CLHC1: variants seen among roughly 807,000 people sequenced by gnomAD.
CLHC1 encodes clathrin heavy chain linker domain containing 1.
CLHC1 carries 72 observed loss-of-function variants against 69.5 expected under a neutral mutation model. The observed-to-expected ratio is 1.04, with a 90% CI of 0.86 to 1.26. The LOEUF is 1.26. CLHC1 is among the 50% of genes most tolerant of loss of function. The probability of loss-of-function intolerance (pLI) is 0.00; values close to 1 mark genes in which losing one functional copy is unlikely to be tolerated. For missense variants in CLHC1, 790 were observed against 679.3 expected, an observed-to-expected ratio of 1.16 and a Z score of -1.81; for synonymous variants, 223 against 224.3, an observed-to-expected ratio of 0.99 and a Z score of 0.05.
At chr2:55,228,852 C>T (rs933263675) in intron 1 of CLHC1, among the ~76,000 whole-genome samples, 4 of 151,894 alleles carry the variant, frequency 2.6e-5, no homozygotes, top group Non-Finnish European at 5.9e-5. Flanking sequence ...ACAGACAACA[C>T]ACAAGAAAAA....
intron 9 of CLHC1, among the ~76,000 whole-genome samples, chr2:55,187,194 G>A (rs1050560140): frequency 1.1e-4 from 16 of 151,878 alleles, no homozygotes; most frequent in African/African-American, 3.6e-4. Flanking sequence ...CAGGAGAATC[G>A]CTTGAACCCG....
In CLHC1 at chr2:55,181,707, G is replaced by A; in HGVS notation, c.1044C>T (p.Leu348=). ...GKIRGKPLPL[L]LFFEALFITS... is the part of the protein sequence containing the mutation. ...TGATAAAGAGGGCCTCAAAAAATAA[G>A]AGTAATGGAAGAGGCTTTCCTCTAA... Residue 348 remains leucine, a synonymous_variant, in exon 10 of 13, where the codon CTC becomes CTT. Transcript: ENST00000401408. 1 of 1,613,742 alleles carries A rather than the reference G, an allele frequency of 6.2e-7. No homozygotes were observed. Among genetic ancestry groups the A allele is most frequent in the Non-Finnish European group, 8.5e-7 (1 of 1,179,878 alleles).
At chr2:55,200,240 A>AAAAAC (rs1294769917) in intron 9 of CLHC1, among the ~76,000 whole-genome samples, 1 of 140,358 alleles carries the variant, frequency 7.1e-6, no homozygotes, top group Non-Finnish European at 1.5e-5. Flanking sequence ...AAAAAAAAAA[A>AAAAAC]AAAAACAGTG....
chr2:55,226,742 C>T (rs912577691), intron 2 of CLHC1, among the ~76,000 whole-genome samples: 6 of 152,250 alleles, frequency 3.9e-5, no homozygotes, highest in African/African-American at 1.4e-4. Context: ...AGTGATTCTC[C>T]TGCCTTAGCC....
chr2:55,219,046 G>A (rs1434497575), intron 3 of CLHC1, among the ~76,000 whole-genome samples: 2 of 152,130 alleles, frequency 1.3e-5, no homozygotes, highest in Non-Finnish European at 2.9e-5. Flanking sequence ...ATATTTGAGT[G>A]GGTGATACTT....
At chr2:55,229,201 T>C (rs923860175) in intron 1 of CLHC1, among the ~76,000 whole-genome samples, 4 of 144,262 alleles carry the variant, frequency 2.8e-5, no homozygotes, top group Non-Finnish European at 6.1e-5. Context: ...TATAGAAATA[T>C]AGTATGACAG....
At chr2:55,182,017 G>A (rs1573597321) in intron 9 of CLHC1, among the ~76,000 whole-genome samples, 1 of 152,058 alleles carries the variant, frequency 6.6e-6, no homozygotes, top group African/African-American at 2.4e-5. Context: ...CTAGGAGAGA[G>A]GCATGGAATG....
At chr2:55,192,386 C>G (rs1484085425) in intron 9 of CLHC1, among the ~76,000 whole-genome samples, 1 of 152,098 alleles carries the variant, frequency 6.6e-6, no homozygotes, top group Non-Finnish European at 1.5e-5. Context: ...TCCTAAAGTG[C>G]TGGGATTACA....
chr2:55,187,995 T>G (rs1410955155), intron 9 of CLHC1, among the ~76,000 whole-genome samples: 8 of 152,108 alleles, frequency 5.3e-5, no homozygotes, highest in Non-Finnish European at 1.2e-4. Context: ...CTTAAGTACT[T>G]CACAAAATGG....
intron 5 of CLHC1, among the ~76,000 whole-genome samples, chr2:55,212,039 GGCTGAGGCGGGTGGATC>G (rs1489790975): frequency 7.2e-5 from 11 of 152,210 alleles, no homozygotes; most frequent in African/African-American, 2.7e-4. Flanking sequence ...CACTCTGGGA[GGCTGAGGCGGGTGGATC>G]GCTTGAGCCC....
At chr2:55,214,720 T>A (rs918691122) in intron 4 of CLHC1, 1 of 152,184 alleles carries the variant, frequency 6.6e-6, no homozygotes, top group African/African-American at 2.4e-5. Context: ...AAGCAGGTTT[T>A]CAAAAGAAAC....
At chr2:55,201,607 T>C (rs979466662) in intron 9 of CLHC1, among the ~76,000 whole-genome samples, 1 of 152,054 alleles carries the variant, frequency 6.6e-6, no homozygotes, top group Non-Finnish European at 1.5e-5. Context: ...CTAATACATA[T>C]CCTACTCAAG....
At chr2:55,219,373 C>G (rs1192642907) in intron 3 of CLHC1, among the ~76,000 whole-genome samples, 1 of 152,142 alleles carries the variant, frequency 6.6e-6, no homozygotes, top group Non-Finnish European at 1.5e-5. Flanking sequence ...ACTGGCATAT[C>G]ACAGGTTGAA....
intron 12 of CLHC1, among the ~76,000 whole-genome samples, chr2:55,177,236 C>T (rs2103643464): frequency 6.6e-6 from 1 of 152,232 alleles, no homozygotes; most frequent in South Asian, 2.1e-4. Flanking sequence ...TGTAAATACA[C>T]ATACATTTGG....
chr2:55,228,990 A>G (rs1367525475), intron 1 of CLHC1, among the ~76,000 whole-genome samples: 1 of 152,074 alleles, frequency 6.6e-6, no homozygotes, highest in Non-Finnish European at 1.5e-5. Context: ...TCTCTATTAA[A>G]GAATATAAAA....
At chr2:55,226,222 GA>G (rs578149499) in intron 2 of CLHC1, among the ~76,000 whole-genome samples, 52 of 144,922 alleles carry the variant, frequency 3.6e-4, no homozygotes, top group African/African-American at 6.3e-4. Context: ...AGTTTTTACT[GA>G]AAAAAAAAAA....
intron 3 of CLHC1, 23 bp from the exon 4 acceptor site, chr2:55,218,021 A>G (rs753512935): frequency 1.5e-6 from 2 of 1,308,310 alleles, no homozygotes; most frequent in East Asian, 5.5e-5. Context: ...TTTTCTGCCT[A>G]TGGTATTGAT....
At chr2:55,190,714 G>A (rs1268169849) in intron 9 of CLHC1, among the ~76,000 whole-genome samples, 4 of 152,122 alleles carry the variant, frequency 2.6e-5, no homozygotes, top group Admixed American at 2.6e-4. Context: ...CTAAAACTTG[G>A]ACAAAGAATA....
In CLHC1 at chr2:55,175,729, T is replaced by G; in HGVS notation, c.*61A>C. On this transcript the variant is annotated 3_prime_UTR_variant, in exon 13 of 13. Coordinates refer to ENST00000401408, the MANE Select transcript of CLHC1 (RefSeq NM_152385.4). ...ATAAGTTAGTTACGTTAAAATCAGT[T>G]TTTCCCAACCAGCATACATAAGGTG... 2.5e-6 allele frequency: 3 copies of G among 1,210,986 alleles called. No individual in the cohort carries two copies. Among genetic ancestry groups the G allele is most frequent in the Admixed American group, 2.2e-5 (1 of 45,232 alleles). 75.0% of individuals were successfully genotyped at this position (1,210,986 alleles called of 1,614,324 possible).
Sources: allele counts gnomAD v4.1 joint callset (sites outside exome capture counted in the v4.1 genomes callset), GRCh38; gene constraint gnomAD v4.1.1; transcripts MANE v1.5; gene names NCBI Gene and HGNC (gene_info 2026-07-23, HGNC 2026-07-21).